The following INKA2 variants were observed in gnomAD, a reference collection of about 807,000 sequenced individuals.
The protein encoded by INKA2 is PAK4-inhibitor INKA2.
INKA2 carries 3 observed loss-of-function variants against 9.8 expected under a neutral mutation model. That is an observed-to-expected ratio of 0.31 (90% CI 0.14 to 0.79). The LOEUF is 0.79. Among genes scored for constraint, INKA2 ranks in the 30% least tolerant of loss-of-function variants. INKA2 has a pLI of 0.62. For missense variants in INKA2, 392 were observed against 384.4 expected, an observed-to-expected ratio of 1.02 and a Z score of -0.17; for synonymous variants, 147 against 143.3, an observed-to-expected ratio of 1.03 and a Z score of -0.18.
chr1:111,728,167 G>A (rs1368847465), intron 1 of INKA2, among the ~76,000 whole-genome samples: 2 of 152,028 alleles, frequency 1.3e-5, no homozygotes, highest in African/African-American at 2.4e-5. Context: ...TAAGAGGTGG[G>A]GCTGAGATCA....
chr1:111,741,905 G>A (rs974866223), upstream of INKA2, among the ~76,000 whole-genome samples: 21 of 151,710 alleles, frequency 1.4e-4, no homozygotes, highest in African/African-American at 4.4e-4. Flanking sequence ...TAGTAGAGAC[G>A]GGGTTTCACC....
chr1:111,747,307 C>CA (rs1663295722), intron 1 of INKA2: 2 of 152,272 alleles, frequency 1.3e-5, no homozygotes, highest in Non-Finnish European at 2.9e-5. Context: ...TAAGCACCCC[C>CA]AACCTATCTA....
rs769726083 is a variant in INKA2, at chr1:111,727,397, C to T, written c.465G>A (p.Leu155=). The change falls in exon 2 of 2, where the codon CTG becomes CTA. Residue 155 remains leucine (L), a synonymous_variant. Coordinates refer to ENST00000357260, the MANE Select transcript of INKA2 (RefSeq NM_019099.5). ...CTGCAAAAACGTTGTCCCCTAACAC[C>T]AGAGGCTGTCGATTCCGGCCCCGGG... The part of the protein sequence containing the change: ...LMSRGRNRQP[L]VLGDNVFADL... 3 of 1,614,024 alleles carry T rather than the reference C, an allele frequency of 1.9e-6. No homozygotes were observed. The highest frequency in any genetic ancestry group is 2.5e-6 in the Non-Finnish European group (3 of 1,179,976).
rs773775871 is a variant in INKA2, at chr1:111,726,931, G to A, written c.*37C>T. 1 of 1,586,666 alleles carries A rather than the reference G, an allele frequency of 6.3e-7. No homozygotes were observed. Among genetic ancestry groups the A allele is most frequent in the Non-Finnish European group, 8.6e-7 (1 of 1,162,514 alleles). ...CCCAGGGGCCCAGCACTGGGACCTG[G>A]CCCTTTCAGGCTCAGTCAACTTTCT... On this transcript the variant is annotated 3_prime_UTR_variant, in exon 2 of 2. Coordinates refer to ENST00000357260, the MANE Select transcript of INKA2 (RefSeq NM_019099.5).
At chr1:111,741,121 G>A (rs1310241361), upstream of INKA2, among the ~76,000 whole-genome samples, 7 of 151,510 alleles carry the variant, frequency 4.6e-5, no homozygotes, top group African/African-American at 1.7e-4. Flanking sequence ...GGGAGGGTGA[G>A]AGAGAGAAAC....
chr1:111,723,369 A>G lies in INKA2; in HGVS notation c.*3599T>C. ...GAAGTGTCTGAGGGAGAGGGAAAAG[A>G]GAGGTCCCAAGTCTGAAAGGTTGGG... On this transcript the variant is annotated 3_prime_UTR_variant, in exon 2 of 2. Coordinates refer to ENST00000357260, the MANE Select transcript of INKA2 (RefSeq NM_019099.5). 2 of 448,556 alleles carry G rather than the reference A, an allele frequency of 4.5e-6. No individual in the cohort carries two copies. Among genetic ancestry groups the G allele is most frequent in the Non-Finnish European group, 7.9e-6 (2 of 254,444 alleles). 27.8% of individuals were successfully genotyped at this position (448,556 alleles called of 1,614,324 possible).
At chr1:111,742,467 C>A (rs1378061963), upstream of INKA2, among the ~76,000 whole-genome samples, 1 of 152,172 alleles carries the variant, frequency 6.6e-6, no homozygotes, top group Non-Finnish European at 1.5e-5. Flanking sequence ...CATCTGTAAT[C>A]CCAGCCACTC....
chr1:111,730,297 C>T (rs946104187), intron 1 of INKA2, among the ~76,000 whole-genome samples: 15 of 152,218 alleles, frequency 9.9e-5, no homozygotes, highest in African/African-American at 3.4e-4. Context: ...TCCAGTGCCA[C>T]TTTCCTTGTC....
chr1:111,749,310 C>T (rs1245578229), intron 1 of INKA2, among the ~76,000 whole-genome samples: 2 of 152,158 alleles, frequency 1.3e-5, no homozygotes, highest in Non-Finnish European at 2.9e-5. Flanking sequence ...ATCTGAGCTT[C>T]TGTGGCTCTG....
intron 1 of INKA2, among the ~76,000 whole-genome samples, chr1:111,731,074 C>T (rs529272100): frequency 6.6e-5 from 10 of 152,338 alleles, no homozygotes; most frequent in African/African-American, 2.4e-4. Context: ...CATTCAATCT[C>T]TTCCAGTGTG....
chr1:111,748,573 T>C (rs1348983333), intron 1 of INKA2, among the ~76,000 whole-genome samples: 1 of 152,110 alleles, frequency 6.6e-6, no homozygotes, highest in Non-Finnish European at 1.5e-5. Flanking sequence ...TCCATAAATC[T>C]CACCTCCTAT....
intron 1 of INKA2, among the ~76,000 whole-genome samples, chr1:111,732,121 G>A (rs1233817443): frequency 1.3e-5 from 2 of 152,212 alleles, no homozygotes; most frequent in Non-Finnish European, 2.9e-5. Flanking sequence ...AGCGTTAGCT[G>A]GTTCTTGACT....
chr1:111,732,583 A>G (rs1662932973), intron 1 of INKA2, among the ~76,000 whole-genome samples: 1 of 151,682 alleles, frequency 6.6e-6, no homozygotes, highest in Non-Finnish European at 1.5e-5. Flanking sequence ...ACACACACAC[A>G]CACACACACA....
chr1:111,727,326 C>G lies in INKA2; in HGVS notation c.536G>C (p.Gly179Ala). 2 of 1,614,206 alleles carry G rather than the reference C, an allele frequency of 1.2e-6. No individual in the cohort carries two copies. Among genetic ancestry groups the G allele is most frequent in the Non-Finnish European group, 1.7e-6 (2 of 1,180,018 alleles). ...WLDLPELEKG[G>A]EKGETGGARE... is the part of the protein sequence containing the mutation. ...TGCCCCCCCAGTCTCACCCTTCTCC[C>G]CACCCTTCTCCAGTTCTGGCAAGTC... The change falls in exon 2 of 2, where the codon GGG (glycine) becomes GCG (alanine). Residue 179 changes from glycine (G) to alanine (A), a missense_variant. Physicochemically the swap from Gly to Ala is moderately conservative, Grantham distance 60. Coordinates refer to ENST00000357260, the MANE Select transcript of INKA2 (RefSeq NM_019099.5).
upstream of INKA2, among the ~76,000 whole-genome samples, chr1:111,741,620 C>G (rs1663153112): frequency 6.6e-6 from 1 of 152,232 alleles, no homozygotes; most frequent in South Asian, 2.1e-4. Context: ...GGTTCCCCAA[C>G]TTGAAGGGCC....
rs1662741635 is a variant in INKA2 at position 111,725,318 on chromosome 1, T to A, written c.*1650A>T. On this transcript the variant is annotated 3_prime_UTR_variant, in exon 2 of 2. Coordinates refer to ENST00000357260, the MANE Select transcript of INKA2 (RefSeq NM_019099.5). ...GGGGCAGTGGGAGGGTGTGCCCTCC[T>A]GGCTTGGTCAGCCCAAAAGAAGATC... 1 of 152,326 alleles carries A rather than the reference T, an allele frequency of 6.6e-6. No homozygotes were observed. The highest frequency in any genetic ancestry group is 6.5e-5 in the Admixed American group (1 of 15,286). The allele number at this position is 152,326 out of a possible 1,614,324, so 9.4% of individuals were successfully genotyped here. A position where few individuals can be genotyped will look rare whatever the true frequency, so the allele number is the denominator to read the frequency against.
intron 1 of INKA2, among the ~76,000 whole-genome samples, chr1:111,728,072 C>CACACACACACAG (rs1662833124): frequency 6.6e-6 from 1 of 151,556 alleles, no homozygotes; most frequent in African/African-American, 2.4e-5. Context: ...CACACACACA[C>CACACACACACAG]AGACATTTCA....
rs772217983 is a variant in INKA2, at chr1:111,727,300, G to C, written c.562C>G (p.Arg188Gly). 4.3e-6 allele frequency: 7 copies of C among 1,614,106 alleles called. No individual in the cohort carries two copies. The highest frequency in any genetic ancestry group is 5.9e-6 in the Non-Finnish European group (7 of 1,180,014). Residue 188 changes from arginine (R) to glycine (G), a missense_variant, in exon 2 of 2, where the codon CGT becomes GGT. Transcript: ENST00000357260. ...TGGCCTTTCTCTCCTTTGGGTTCACGTGCCCCCCCAGTCTCACCCTTCTCC... is the reference window on the plus strand; with the variant it reads ...TGGCCTTTCTCTCCTTTGGGTTCACCTGCCCCCCCAGTCTCACCCTTCTCC... Reference protein sequence around the residue: ...GGEKGETGGAREPKGEKGQPQ... With the variant: ...GGEKGETGGAGEPKGEKGQPQ...
At chr1:111,739,763 A>G (rs61788767), upstream of INKA2, 11,963 of 152,958 alleles carry the variant, frequency 0.078, 563 homozygotes, top group Non-Finnish European at 0.11. Context: ...CCTTTTCCCA[A>G]ACTCCGATCA....
Sources: gnomAD v4.1 joint callset for allele counts (sites outside exome capture counted in the v4.1 genomes callset) on GRCh38, gnomAD v4.1.1 for gene constraint, MANE v1.5 for transcripts, NCBI Gene and HGNC (gene_info 2026-07-23, HGNC 2026-07-21) for gene names.